Variants in GRB10 observed in about 807,000 individuals in gnomAD.
The protein encoded by GRB10 is growth factor receptor-bound protein 10.
Under a neutral mutation model 80.9 loss-of-function variants are expected in GRB10, and 20 were observed. The observed-to-expected ratio is 0.25, with a 90% CI of 0.17 to 0.36. GRB10 has a LOEUF of 0.36. GRB10 is among the 10% of genes least tolerant of loss of function. The pLI is 1.00. For missense variants in GRB10, 548 were observed against 747.7 expected, an observed-to-expected ratio of 0.73 and a Z score of 3.12; for synonymous variants, 291 against 291.5, an observed-to-expected ratio of 1.00 and a Z score of 0.02.
At chr7:50,774,919 G>A (rs1011776991) in intron 2 of GRB10, among the ~76,000 whole-genome samples, 9 of 151,486 alleles carry the variant, frequency 5.9e-5, no homozygotes, top group Admixed American at 2.0e-4. Flanking sequence ...TGAGGCGGCC[G>A]GACTTCTTGA....
In GRB10 at chr7:50,782,267, G is replaced by A. The variant is rs1468769324; in HGVS notation, c.-327+157C>T. Among the ~76,000 whole-genome samples, 1 of 151,560 alleles carries A rather than the reference G, an allele frequency of 6.6e-6. No homozygotes were observed. Among genetic ancestry groups the A allele is most frequent in the African/African-American group, 2.4e-5 (1 of 41,386 alleles). ...AGCGAGCCCGCGGCAGGCGGGCAGG[G>A]GGCCGCGCGGCAAGACCTCCCCGCC... On this transcript the variant is annotated intron_variant, in intron 1 of 18. Coordinates refer to ENST00000401949, the MANE Select transcript of GRB10 (RefSeq NM_001350814.2). The surrounding 1 kb of genome is among the most constrained non-coding windows in gnomAD (Gnocchi z 6.6).
intron 3 of GRB10, among the ~76,000 whole-genome samples, chr7:50,744,875 T>G (rs986600116): frequency 6.6e-6 from 1 of 152,280 alleles, no homozygotes; most frequent in African/African-American, 2.4e-5. Context: ...CTACAGTTAA[T>G]TCTATGCAGT....
At chr7:50,717,619 G>A (rs1408318716) in intron 4 of GRB10, among the ~76,000 whole-genome samples, 1 of 152,214 alleles carries the variant, frequency 6.6e-6, no homozygotes, top group Non-Finnish European at 1.5e-5. Context: ...ATCCACCACT[G>A]AAGCTACAAA....
In GRB10 at chr7:50,604,352, A is replaced by G. The variant is rs774733224; in HGVS notation, c.1415T>C (p.Leu472Pro). ...AGGGTGGAGGGGACTTTGGCTACCT[A>G]GGATGTTCATCCGTGTGCTTCGCTT... Reference protein sequence around the residue: ...WRKRSTRMNILGSQSPLHPST... With the variant: ...WRKRSTRMNIPGSQSPLHPST... Residue 472 changes from leucine to proline, a missense_variant, in exon 16 of 19, where the codon CTA (leucine) becomes CCA (proline). Leu to Pro is a moderately conservative substitution (Grantham distance 98). This residue lies in a region of GRB10 where 270 missense variants were observed against 433.6 expected (regional missense o/e 0.62). Coordinates refer to ENST00000401949, the MANE Select transcript of GRB10 (RefSeq NM_001350814.2). The G allele has an allele frequency of 6.2e-7, 1 of 1,613,566 alleles. No homozygotes were observed. Among genetic ancestry groups the G allele is most frequent in the Non-Finnish European group, 8.5e-7 (1 of 1,179,860 alleles).
In GRB10 at chr7:50,687,731, C is replaced by G. The variant is rs976912187; in HGVS notation, c.140-13073G>C. 5.9e-5 allele frequency among the ~76,000 whole-genome samples: 9 copies of G among 152,306 alleles called. No individual in the cohort carries two copies. In the East Asian group the frequency reaches 1.4e-3, roughly 23 times the overall value. On this transcript the variant is annotated intron_variant, in intron 5 of 18. Transcript: ENST00000401949. ...CCCATGATGTAAGGTCAGTCTCCCC[C>G]TCAGTACCTTGTCCTGCCAGCAGAG...
chr7:50,777,616 C>A (rs2051894), intron 2 of GRB10, among the ~76,000 whole-genome samples: 9 of 151,936 alleles, frequency 5.9e-5, no homozygotes, highest in Non-Finnish European at 1.2e-4. Flanking sequence ...ACATGCACAC[C>A]TATGTTTATT....
intron 5 of GRB10, among the ~76,000 whole-genome samples, chr7:50,699,540 CAT>C (rs1357870365): frequency 6.6e-6 from 1 of 152,124 alleles, no homozygotes; most frequent in Admixed American, 6.5e-5. Context: ...TTAATTCTGA[CAT>C]ATTCAGTGTG....
At chr7:50,786,102 T>G (rs141818114), upstream of GRB10, among the ~76,000 whole-genome samples, 3,292 of 151,838 alleles carry the variant, frequency 0.022, 104 homozygotes, top group African/African-American at 0.071. Flanking sequence ...TAAATATATA[T>G]ATAGAGAGAG....
intron 17 of GRB10, among the ~76,000 whole-genome samples, chr7:50,602,315 C>A (rs1001522290): frequency 4.6e-5 from 7 of 152,150 alleles, no homozygotes; most frequent in African/African-American, 1.7e-4. Context: ...GGGACGGTAG[C>A]CTTGGTGGGG....
chr7:50,611,614 G>A (rs2049547900), intron 13 of GRB10, among the ~76,000 whole-genome samples: 1 of 152,198 alleles, frequency 6.6e-6, no homozygotes. Flanking sequence ...TATCCTTAAT[G>A]TCTCTGGAAT....
At chr7:50,756,389 G>T (rs781364153) in intron 2 of GRB10, among the ~76,000 whole-genome samples, 59 of 152,218 alleles carry the variant, frequency 3.9e-4, no homozygotes, top group Non-Finnish European at 7.3e-4. Context: ...GCAAGGCAAA[G>T]TTACCTAGAA....
chr7:50,699,346 A>C (rs1216289419), intron 5 of GRB10, among the ~76,000 whole-genome samples: 1 of 152,238 alleles, frequency 6.6e-6, no homozygotes, highest in Admixed American at 6.5e-5. Flanking sequence ...ACATGACTCT[A>C]ACAGTTTTCC....
intron 7 of GRB10, among the ~76,000 whole-genome samples, chr7:50,654,061 G>A (rs189634673): frequency 2.4e-4 from 37 of 152,268 alleles, no homozygotes; most frequent in African/African-American, 6.0e-4. Flanking sequence ...CCCCGCCCTC[G>A]GATGACGTTT....
At chr7:50,767,820 A>G (rs2076523482) in intron 2 of GRB10, among the ~76,000 whole-genome samples, 1 of 152,156 alleles carries the variant, frequency 6.6e-6, no homozygotes, top group Admixed American at 6.5e-5. Context: ...GTTCACAGAC[A>G]TGACCCATCT....
intron 2 of GRB10, among the ~76,000 whole-genome samples, chr7:50,768,065 T>C (rs770310378): frequency 1.3e-5 from 2 of 152,154 alleles, no homozygotes; most frequent in African/African-American, 4.8e-5. Flanking sequence ...AGCAGCCCTA[T>C]GGTGCTGCCC....
intron 2 of GRB10, among the ~76,000 whole-genome samples, chr7:50,764,738 G>A (rs530735661): frequency 1.4e-4 from 21 of 152,286 alleles, no homozygotes; most frequent in Non-Finnish European, 2.1e-4. Flanking sequence ...ATGAAATGAT[G>A]CAATTCCCAC....
chr7:50,682,866 T>C lies in GRB10; in HGVS notation c.140-8208A>G, dbSNP rs180834348. 2.0e-4 allele frequency among the ~76,000 whole-genome samples: 31 copies of C among 152,342 alleles called. No homozygotes were observed. The East Asian group carries it at 2.9e-3, about 14-fold the overall frequency. On this transcript the variant is annotated intron_variant, in intron 5 of 18. Coordinates refer to ENST00000401949, the MANE Select transcript of GRB10 (RefSeq NM_001350814.2). The stretch of plus-strand genomic sequence containing the variant: ...CAACGCTCACACTGAAATGTTGCAA[T>C]GGGGAAATTTGGGCTTATTCATATT...
intron 2 of GRB10, among the ~76,000 whole-genome samples, chr7:50,777,429 TACACACACACAC>T (rs71018485): frequency 6.8e-6 from 1 of 146,168 alleles, no homozygotes; most frequent in Non-Finnish European, 1.5e-5. Flanking sequence ...GCAATCTGTA[TACACACACACAC>T]ACACACACAC....
At chr7:50,702,022 T>C (rs1012415900) in intron 5 of GRB10, among the ~76,000 whole-genome samples, 2 of 152,120 alleles carry the variant, frequency 1.3e-5, no homozygotes, top group Admixed American at 1.3e-4. Flanking sequence ...GGTTTGTGGA[T>C]TGTTTTGTTT....
Sources: allele counts gnomAD v4.1 joint callset (sites outside exome capture counted in the v4.1 genomes callset), GRCh38; gene constraint gnomAD v4.1.1; regional missense constraint gnomAD v4.1.1; non-coding constraint Gnocchi (gnomAD v3.1); transcripts MANE v1.5; gene names NCBI Gene and HGNC (gene_info 2026-07-23, HGNC 2026-07-21).